Variants in ARHGAP29 observed in about 807,000 individuals in gnomAD.
ARHGAP29 encodes the protein Rho GTPase activating protein 29.
A neutral mutation model predicts 122.6 loss-of-function variants in ARHGAP29; 43 were observed. That is an observed-to-expected ratio of 0.35 (90% CI 0.27 to 0.45). The LOEUF is 0.45. Among genes scored for constraint, ARHGAP29 ranks in the 20% least tolerant of loss-of-function variants. The pLI, the probability that ARHGAP29 is intolerant of heterozygous loss-of-function variation, is 1.00. For synonymous variants in ARHGAP29, 506 were observed against 497.1 expected (o/e 1.02, Z -0.24); for missense variants, 1,303 against 1,477.2 (o/e 0.88, Z 1.93).
At chr1:94,248,884 T>G (rs190049211) in intron 1 of ARHGAP29, among the ~76,000 whole-genome samples, 1 of 152,172 alleles carries the variant, frequency 6.6e-6, no homozygotes, top group Non-Finnish European at 1.5e-5. Flanking sequence ...GTTGTTTATT[T>G]TTATGTTTTG....
chr1:94,288,248 T>G, the ARHGAP29 span, among the ~76,000 whole-genome samples: 1 of 152,256 alleles, frequency 6.6e-6, no homozygotes, highest in Non-Finnish European at 1.5e-5. Context: ...TGATGACCAG[T>G]GATGATGAGC....
rs80313177 is a variant in ARHGAP29, at chr1:94,210,360, C to T, written c.341-1010G>A. The stretch of plus-strand genomic sequence containing the variant: ...AAAACAAAGTCTGGGTCCCACTAAT[C>T]AAAGATTCAGATTTCATAGGTACGT... On this transcript the variant is annotated intron_variant, in intron 3 of 22. Coordinates refer to ENST00000260526, the MANE Select transcript of ARHGAP29 (RefSeq NM_004815.4). 6.5e-3 allele frequency among the ~76,000 whole-genome samples: 992 copies of T among 152,256 alleles called. 11 individuals are homozygous for T. The highest frequency in any genetic ancestry group is 0.036 in the South Asian group (174 of 4,826).
chr1:94,282,909 C>A, the ARHGAP29 span, among the ~76,000 whole-genome samples: 44 of 152,096 alleles, frequency 2.9e-4, no homozygotes, highest in African/African-American at 1.1e-3. Context: ...TAACTCAAGT[C>A]TAGTTCAAAT....
chr1:94,198,879 A>G (rs1335686748), intron 12 of ARHGAP29, among the ~76,000 whole-genome samples: 1 of 152,242 alleles, frequency 6.6e-6, no homozygotes. Context: ...AACCTTAAAT[A>G]CTCAAACAAT....
chr1:94,244,917 A>G (rs564023839), intron 1 of ARHGAP29, among the ~76,000 whole-genome samples: 9 of 152,298 alleles, frequency 5.9e-5, no homozygotes, highest in African/African-American at 2.2e-4. Context: ...ACAACAATCC[A>G]ATAAAATAAT....
At chr1:94,292,604 G>T in the ARHGAP29 span, among the ~76,000 whole-genome samples, 2 of 152,152 alleles carry the variant, frequency 1.3e-5, no homozygotes, top group Middle Eastern at 3.2e-3. Context: ...CCTACCTTTG[G>T]TCTTTGATGT....
Position 94,174,179 on chromosome 1 carries a change from T to C in ARHGAP29, c.3476A>G (p.Gln1159Arg). 1 of 1,614,198 alleles carries C rather than the reference T, an allele frequency of 6.2e-7. No homozygotes were observed. Among genetic ancestry groups the C allele is most frequent in the Non-Finnish European group, 8.5e-7 (1 of 1,180,032 alleles). Residue 1159 changes from glutamine (Q) to arginine (R), a missense_variant, in exon 23 of 23, where the codon CAG (glutamine) becomes CGG (arginine). Coordinates refer to ENST00000260526, the MANE Select transcript of ARHGAP29 (RefSeq NM_004815.4). The part of the protein sequence containing the change: ...LAPVRAPRTL[Q>R]PQHWTTFYKP... ...ATAAAATGTTGTCCAATGTTGAGGC[T>C]GCAGTGTTCTGGGTGCTCTGACAGG...
chr1:94,173,673 A>T lies in ARHGAP29; in HGVS notation c.*196T>A. 1.8e-6 allele frequency: 1 copy of T among 559,044 alleles called. No homozygotes were observed. The highest frequency in any genetic ancestry group is 3.0e-6 in the Non-Finnish European group (1 of 332,144). The allele number at this position is 559,044 out of a possible 1,614,324, so 34.6% of individuals were successfully genotyped here. ...ACAGAATTTAAAGATAATTCCAGTG[A>T]GGCACAAATGTGACCCTATCAAAAC... is the stretch of plus-strand genomic sequence containing the variant. On this transcript the variant is annotated 3_prime_UTR_variant, in exon 23 of 23. Coordinates refer to ENST00000260526, the MANE Select transcript of ARHGAP29 (RefSeq NM_004815.4).
intron 1 of ARHGAP29, among the ~76,000 whole-genome samples, chr1:94,265,901 A>C (rs1457765061): frequency 1.3e-5 from 2 of 152,198 alleles, no homozygotes; most frequent in African/African-American, 4.8e-5. Flanking sequence ...TTCTTGGTTC[A>C]TGGGAGCCAA....
chr1:94,211,309 A>ACAAAG (rs1422981707), intron 3 of ARHGAP29, among the ~76,000 whole-genome samples: 1 of 150,430 alleles, frequency 6.6e-6, no homozygotes, highest in African/African-American at 2.4e-5. Flanking sequence ...AAAAAAAAAA[A>ACAAAG]AAAAGGACAT....
At chr1:94,270,930 G>A (rs2100732297) in intron 1 of ARHGAP29, among the ~76,000 whole-genome samples, 1 of 152,224 alleles carries the variant, frequency 6.6e-6, no homozygotes, top group East Asian at 1.9e-4. Flanking sequence ...ACTTTAAAAT[G>A]TAGGGGGTTG....
intron 7 of ARHGAP29, among the ~76,000 whole-genome samples, chr1:94,204,856 T>A (rs1651093240): frequency 6.6e-6 from 1 of 152,234 alleles, no homozygotes; most frequent in Non-Finnish European, 1.5e-5. Context: ...TATTTGTCTT[T>A]GTGTCCCTAG....
At chr1:94,184,838 T>C (rs190274440) in intron 18 of ARHGAP29, 34 bp downstream of exon 18, 1 of 1,489,024 alleles carries the variant, frequency 6.7e-7, no homozygotes. Flanking sequence ...CACAGGCATT[T>C]ATGCTTTTTA....
At chr1:94,236,139 T>C (rs1309150132) in intron 1 of ARHGAP29, among the ~76,000 whole-genome samples, 1 of 152,240 alleles carries the variant, frequency 6.6e-6, no homozygotes, top group Non-Finnish European at 1.5e-5. Context: ...TTTATGGTTT[T>C]AAAAAGCACT....
At chr1:94,314,405 T>C in the ARHGAP29 span, among the ~76,000 whole-genome samples, 1 of 152,196 alleles carries the variant, frequency 6.6e-6, no homozygotes, top group African/African-American at 2.4e-5. Context: ...CAAGACTCCA[T>C]GATTCTGGGG....
intron 12 of ARHGAP29, among the ~76,000 whole-genome samples, 176 bp downstream of exon 12, chr1:94,201,544 A>C (rs1650850659): frequency 1.5e-5 from 2 of 136,680 alleles, no homozygotes; most frequent in African/African-American, 5.7e-5. Flanking sequence ...CTCTTTCTTG[A>C]TCACCCACTC....
chr1:94,184,421 A>G, intron 18 of ARHGAP29, 133 bp from the exon 19 acceptor site: 1 of 727,878 alleles, frequency 1.4e-6, no homozygotes, highest in South Asian at 2.3e-5. Flanking sequence ...GAAAAAAACT[A>G]TTCAAGGCCA....
At chr1:94,216,177 T>G (rs543477691) in intron 3 of ARHGAP29, among the ~76,000 whole-genome samples, 17 of 152,330 alleles carry the variant, frequency 1.1e-4, no homozygotes, top group Non-Finnish European at 1.6e-4. Context: ...ATCTAGGAAT[T>G]TGCATGACTA....
At chr1:94,264,367 C>T (rs1443095567) in intron 1 of ARHGAP29, among the ~76,000 whole-genome samples, 2 of 152,066 alleles carry the variant, frequency 1.3e-5, no homozygotes, top group Non-Finnish European at 2.9e-5. Context: ...ACCTTCTGTC[C>T]CAAGACTGAG....
Sources: gnomAD v4.1 joint callset for allele counts (sites outside exome capture counted in the v4.1 genomes callset) on GRCh38, gnomAD v4.1.1 for gene constraint, MANE v1.5 for transcripts, NCBI Gene and HGNC (gene_info 2026-07-23, HGNC 2026-07-21) for gene names.